C12orf54: variants seen among roughly 807,000 people sequenced by gnomAD.
The protein encoded by C12orf54 is chromosome 12 open reading frame 54.
C12orf54 carries 24 observed loss-of-function variants against 26.4 expected under a neutral mutation model. The observed-to-expected ratio is 0.91, with a 90% CI of 0.66 to 1.28. The LOEUF (loss-of-function observed/expected upper bound fraction) is 1.28. Among genes scored for constraint, C12orf54 ranks in the 50% most tolerant of loss-of-function variants. The pLI is 0.00. For missense variants in C12orf54, 154 were observed against 150.9 expected (o/e 1.02, Z -0.11); for synonymous variants, 54 against 47.0 (o/e 1.15, Z -0.61).
the C12orf54 span, among the ~76,000 whole-genome samples, chr12:48,453,678 TA>T: frequency 6.8e-6 from 1 of 148,134 alleles, no homozygotes; most frequent in African/African-American, 2.4e-5. Flanking sequence ...AGCCAGGATT[TA>T]TCCTCAAGTT....
chr12:48,447,922 G>A, the C12orf54 span, among the ~76,000 whole-genome samples: 1 of 152,200 alleles, frequency 6.6e-6, no homozygotes, highest in African/African-American at 2.4e-5. Flanking sequence ...ATAAGAGGAA[G>A]TGACCTATTG....
At chr12:48,458,733 C>CT in the C12orf54 span, among the ~76,000 whole-genome samples, 29,634 of 146,746 alleles carry the variant, frequency 0.2, 3,175 homozygotes, top group South Asian at 0.3. Context: ...CTTGATTGTT[C>CT]TTTTTTTTTT....
At chr12:48,472,010 G>T in the C12orf54 span, among the ~76,000 whole-genome samples, 1 of 151,988 alleles carries the variant, frequency 6.6e-6, no homozygotes, top group African/African-American at 2.4e-5. Flanking sequence ...TGCCATCTCT[G>T]GTTTCTTTGA....
the C12orf54 span, among the ~76,000 whole-genome samples, chr12:48,422,854 G>A: frequency 6.6e-6 from 1 of 152,038 alleles, no homozygotes; most frequent in Non-Finnish European, 1.5e-5. Flanking sequence ...ATAAATTCTT[G>A]AGAATAGACA....
chr12:48,467,341 C>A, the C12orf54 span, among the ~76,000 whole-genome samples: 1 of 152,130 alleles, frequency 6.6e-6, no homozygotes, highest in Non-Finnish European at 1.5e-5. Context: ...AGACTTCTGG[C>A]CAACAGAACT....
intron 5 of C12orf54, 80 bp downstream of exon 5, chr12:48,489,036 A>T: frequency 7.4e-7 from 1 of 1,343,740 alleles, no homozygotes; most frequent in Non-Finnish European, 1.1e-6. Flanking sequence ...CCCTACTGAG[A>T]TGTTGCCTCT....
At chr12:48,459,767 G>A in the C12orf54 span, among the ~76,000 whole-genome samples, 33 of 152,302 alleles carry the variant, frequency 2.2e-4, no homozygotes, top group Admixed American at 2.0e-3. Flanking sequence ...GAGAAACCAG[G>A]TGCAAGTTTC....
the C12orf54 span, among the ~76,000 whole-genome samples, chr12:48,475,644 C>G: frequency 2.6e-5 from 4 of 152,060 alleles, no homozygotes; most frequent in Admixed American, 2.6e-4. Context: ...GAAAGGGTAT[C>G]AGTGATGGAA....
the C12orf54 span, among the ~76,000 whole-genome samples, chr12:48,456,240 A>G: frequency 6.6e-6 from 1 of 152,206 alleles, no homozygotes; most frequent in Non-Finnish European, 1.5e-5. Context: ...TCTGCCTTTA[A>G]GACACTCACA....
the C12orf54 span, among the ~76,000 whole-genome samples, chr12:48,439,913 A>T: frequency 7.2e-5 from 11 of 152,264 alleles, no homozygotes; most frequent in East Asian, 1.5e-3. Flanking sequence ...TAAAATAAAA[A>T]AATAAAAAAT....
the C12orf54 span, among the ~76,000 whole-genome samples, chr12:48,474,027 A>G: frequency 6.6e-6 from 1 of 152,164 alleles, no homozygotes; most frequent in African/African-American, 2.4e-5. Context: ...TACTCTTGAG[A>G]GCTTAAGAGC....
upstream of C12orf54, among the ~76,000 whole-genome samples, chr12:48,481,670 C>A (rs1354079229): frequency 1.3e-5 from 2 of 152,158 alleles, no homozygotes; most frequent in Non-Finnish European, 2.9e-5. Context: ...TGTGAGTCCT[C>A]TTTAGATTTT....
the C12orf54 span, among the ~76,000 whole-genome samples, chr12:48,436,475 C>G: frequency 6.6e-6 from 1 of 152,130 alleles, no homozygotes; most frequent in Admixed American, 6.6e-5. Context: ...AGCACCACAC[C>G]ACACCTATTC....
At chr12:48,488,323 A>G in intron 4 of C12orf54, 1 of 542,124 alleles carries the variant, frequency 1.8e-6, no homozygotes. Flanking sequence ...AGAGATACCT[A>G]CAGACAGAAT....
chr12:48,453,102 A>G, the C12orf54 span, among the ~76,000 whole-genome samples: 10 of 152,352 alleles, frequency 6.6e-5, no homozygotes, highest in African/African-American at 1.9e-4. Context: ...ATGCCCATCA[A>G]TGATAGACTG....
the C12orf54 span, among the ~76,000 whole-genome samples, chr12:48,439,963 G>A: frequency 1.3e-5 from 2 of 152,156 alleles, no homozygotes; most frequent in Non-Finnish European, 2.9e-5. Flanking sequence ...GGTGGCTCAT[G>A]CCTGTAATCC....
At chr12:48,452,302 AC>A in the C12orf54 span, among the ~76,000 whole-genome samples, 1 of 152,176 alleles carries the variant, frequency 6.6e-6, no homozygotes, top group East Asian at 1.9e-4. Flanking sequence ...TTGAAACTGG[AC>A]CCCTTCCTCA....
the C12orf54 span, chr12:48,473,497 C>A: frequency 9.7e-6 from 4 of 410,448 alleles, no homozygotes; most frequent in Non-Finnish European, 1.8e-5. Flanking sequence ...ATCCTGCCCC[C>A]TGAAACTTAT....
chr12:48,451,821 G>A, the C12orf54 span, among the ~76,000 whole-genome samples: 5 of 152,154 alleles, frequency 3.3e-5, no homozygotes, highest in African/African-American at 1.2e-4. Context: ...GCAAACCACT[G>A]CTCAAAGAAA....
Sources: allele counts gnomAD v4.1 joint callset (sites outside exome capture counted in the v4.1 genomes callset), GRCh38; gene constraint gnomAD v4.1.1; transcripts MANE v1.5; gene names NCBI Gene and HGNC (gene_info 2026-07-23, HGNC 2026-07-21).